Variants in TULP4 observed in about 807,000 individuals in gnomAD.
TULP4 encodes the protein tubby-related protein 4.
TULP4 carries 16 observed loss-of-function variants against 129.0 expected under a neutral mutation model. That is an observed-to-expected ratio of 0.12 (90% CI 0.08 to 0.19). TULP4 has a LOEUF of 0.19. TULP4 is among the 10% of genes least tolerant of loss of function. The pLI, the probability that TULP4 is intolerant of heterozygous loss-of-function variation, is 1.00. For missense variants in TULP4, 1,842 were observed against 2,059.1 expected (o/e 0.89, Z 2.04); for synonymous variants, 998 against 854.0 (o/e 1.17, Z -2.94).
intron 12 of TULP4, among the ~76,000 whole-genome samples, chr6:158,501,251 T>C (rs753768105): frequency 1.3e-5 from 2 of 152,216 alleles, no homozygotes; most frequent in Non-Finnish European, 2.9e-5. Context: ...CCCATAATCA[T>C]GAATAGACCT....
At chr6:158,293,765 C>G (rs1440331576) in intron 1 of TULP4, among the ~76,000 whole-genome samples, 1 of 152,202 alleles carries the variant, frequency 6.6e-6, no homozygotes, top group African/African-American at 2.4e-5. Flanking sequence ...ATCTCACTAG[C>G]ACGTTTTGAG....
chr6:158,330,422 A>C (rs1010909273), intron 1 of TULP4, among the ~76,000 whole-genome samples: 2 of 152,252 alleles, frequency 1.3e-5, no homozygotes, highest in African/African-American at 2.4e-5. Flanking sequence ...ACTCTTACTC[A>C]AATTCAGCTA....
chr6:158,346,622 G>A (rs1780318835), intron 1 of TULP4, among the ~76,000 whole-genome samples: 1 of 152,172 alleles, frequency 6.6e-6, no homozygotes, highest in Admixed American at 6.5e-5. Context: ...AAAAGCATCT[G>A]TAACTTTATA....
chr6:158,421,738 T>C (rs570087078), intron 2 of TULP4, among the ~76,000 whole-genome samples: 1 of 152,332 alleles, frequency 6.6e-6, no homozygotes, highest in East Asian at 1.9e-4. Flanking sequence ...TTTCAAAATA[T>C]GGCAAAGAAG....
intron 1 of TULP4, among the ~76,000 whole-genome samples, chr6:158,294,671 A>G (rs985237452): frequency 1.1e-4 from 16 of 151,656 alleles, no homozygotes; most frequent in African/African-American, 2.9e-4. Flanking sequence ...CTCCTCCTCT[A>G]CTTCCTTCTC....
At chr6:158,378,376 TAAAAG>T (rs1777239483) in intron 1 of TULP4, among the ~76,000 whole-genome samples, 5 of 150,320 alleles carry the variant, frequency 3.3e-5, no homozygotes, top group Admixed American at 2.0e-4. Context: ...TATTAAGACT[TAAAAG>T]GAAAGAATAA....
At chr6:158,427,440 A>G (rs1243670086) in intron 2 of TULP4, among the ~76,000 whole-genome samples, 2 of 144,562 alleles carry the variant, frequency 1.4e-5, no homozygotes, top group Non-Finnish European at 3.0e-5. Flanking sequence ...CTTACATGAA[A>G]TGGACAAATT....
intron 1 of TULP4, among the ~76,000 whole-genome samples, chr6:158,239,999 C>T (rs1583665416): frequency 6.4e-5 from 7 of 109,080 alleles, no homozygotes; most frequent in Admixed American, 1.7e-4. Context: ...GGGGCTGACC[C>T]CCCCACCTCC....
intron 3 of TULP4, among the ~76,000 whole-genome samples, chr6:158,431,899 C>T (rs1233343047): frequency 2.6e-5 from 4 of 151,938 alleles, no homozygotes; most frequent in African/African-American, 9.7e-5. Flanking sequence ...GGGTACGTGG[C>T]CGCAGCCTCT....
At chr6:158,348,986 G>C (rs1780398262) in intron 1 of TULP4, among the ~76,000 whole-genome samples, 1 of 147,986 alleles carries the variant, frequency 6.8e-6, no homozygotes, top group African/African-American at 2.5e-5. Flanking sequence ...TTCCCAGATG[G>C]GGCAGCCGGG....
At chr6:158,444,247 T>A (rs9364963) in intron 3 of TULP4, among the ~76,000 whole-genome samples, 3,126 of 55,512 alleles carry the variant, frequency 0.056, 198 homozygotes, top group East Asian at 0.13. Flanking sequence ...AAAAAAAAAA[T>A]TTTTTTTTTT....
intron 3 of TULP4, among the ~76,000 whole-genome samples, chr6:158,442,981 CTTGT>C (rs113375318): frequency 1.0e-3 from 158 of 151,752 alleles, no homozygotes; most frequent in African/African-American, 3.4e-3. Flanking sequence ...CCATCCTCGG[CTTGT>C]TTGTTTGTTT....
chr6:158,366,645 C>T (rs552008238), intron 1 of TULP4, among the ~76,000 whole-genome samples: 8 of 152,314 alleles, frequency 5.3e-5, no homozygotes, highest in Admixed American at 3.9e-4. Flanking sequence ...TCAGCCTTAT[C>T]GCCAGGCTCT....
At chr6:158,242,355 G>A in intron 1 of TULP4, 1 of 1,519,296 alleles carries the variant, frequency 6.6e-7, no homozygotes, top group Non-Finnish European at 9.1e-7. Context: ...ATTGCTTTGA[G>A]CTGCAACAAC....
intron 1 of TULP4, among the ~76,000 whole-genome samples, chr6:158,276,563 T>C (rs967019969): frequency 2.0e-5 from 3 of 151,788 alleles, no homozygotes; most frequent in African/African-American, 7.3e-5. Flanking sequence ...TAGTTGACAA[T>C]GGAATGGTAA....
chr6:158,376,528 G>A (rs1196136598), intron 1 of TULP4, among the ~76,000 whole-genome samples: 1 of 152,202 alleles, frequency 6.6e-6, no homozygotes, highest in Non-Finnish European at 1.5e-5. Flanking sequence ...CTCCTCCATT[G>A]TAGTCAGAAG....
At chr6:158,344,849 C>T (rs1272606848) in intron 1 of TULP4, among the ~76,000 whole-genome samples, 1 of 152,186 alleles carries the variant, frequency 6.6e-6, no homozygotes, top group Non-Finnish European at 1.5e-5. Flanking sequence ...AAAGCCGAGA[C>T]AAGCTGAAAA....
In TULP4 at chr6:158,392,794, CTTTTTTTTTTT is replaced by C. The variant is rs773565295; in HGVS notation, c.253-20256_253-20246del. 5.3e-4 allele frequency among the ~76,000 whole-genome samples: 29 copies of C among 54,644 alleles called. No homozygotes were observed. The South Asian group carries it at 9.5e-3, about 18-fold the overall frequency. The allele number at this position is 54,644 out of a possible 152,430, so 35.8% of individuals were successfully genotyped here. Reference sequence around the variant, plus strand: ...GTACCTATTGTTTAAATTTGTATTTCTTTTTTTTTTTTTTTTTTTTTTTTTGAGATGGAGTC... The same window carrying C: ...GTACCTATTGTTTAAATTTGTATTTCTTTTTTTTTTTTTTGAGATGGAGTC... On this transcript the variant is annotated intron_variant, in intron 1 of 13. Coordinates refer to ENST00000367097, the MANE Select transcript of TULP4 (RefSeq NM_020245.5).
At chr6:158,371,807 G>A (rs1010918656) in intron 1 of TULP4, among the ~76,000 whole-genome samples, 4 of 152,166 alleles carry the variant, frequency 2.6e-5, no homozygotes, top group Non-Finnish European at 5.9e-5. Flanking sequence ...ATCCCCTGTT[G>A]TTTTCTAGTT....
Sources: gnomAD v4.1 joint callset for allele counts (sites outside exome capture counted in the v4.1 genomes callset) on GRCh38, gnomAD v4.1.1 for gene constraint, MANE v1.5 for transcripts, NCBI Gene and HGNC (gene_info 2026-07-23, HGNC 2026-07-21) for gene names.